FARP1: variants seen among roughly 807,000 people sequenced by gnomAD.
FARP1 encodes the protein FERM, ARHGEF and pleckstrin domain-containing protein 1.
A neutral mutation model predicts 128.8 loss-of-function variants in FARP1; 52 were observed. The ratio of observed to expected loss-of-function variants is 0.40; its 90% confidence interval spans 0.32 to 0.51. The LOEUF (loss-of-function observed/expected upper bound fraction) is 0.51. Ranked by LOEUF, FARP1 falls within the 20% of genes least tolerant of loss-of-function variation. The probability of loss-of-function intolerance (pLI) is 0.45; values close to 1 mark genes in which losing one functional copy is unlikely to be tolerated. For missense variants in FARP1, 1,333 were observed against 1,367.9 expected, an observed-to-expected ratio of 0.97 and a Z score of 0.40; for synonymous variants, 580 against 551.8, an observed-to-expected ratio of 1.05 and a Z score of -0.72.
chr13:98,185,290 C>T (rs373640643), intron 1 of FARP1, among the ~76,000 whole-genome samples: 2 of 152,096 alleles, frequency 1.3e-5, no homozygotes, highest in African/African-American at 4.8e-5. Flanking sequence ...GATACAAAAG[C>T]AGTATACCGC....
intron 1 of FARP1, among the ~76,000 whole-genome samples, chr13:98,144,349 C>T (rs1875347644): frequency 6.6e-6 from 1 of 152,116 alleles, no homozygotes; most frequent in Non-Finnish European, 1.5e-5. Context: ...AGCTGAGGCT[C>T]ACAAAGAAGC....
intron 17 of FARP1, among the ~76,000 whole-genome samples, chr13:98,428,326 A>G (rs939472651): frequency 2.6e-5 from 4 of 152,146 alleles, no homozygotes; most frequent in African/African-American, 9.7e-5. Flanking sequence ...CTGCTTGGCA[A>G]GTGGGGACCT....
chr13:98,271,575 C>T (rs991978549), intron 2 of FARP1, among the ~76,000 whole-genome samples: 20 of 152,058 alleles, frequency 1.3e-4, no homozygotes, highest in African/African-American at 2.7e-4. Flanking sequence ...CCCCACCCCT[C>T]GACAGGCCCC....
intron 1 of FARP1, among the ~76,000 whole-genome samples, chr13:98,170,665 T>A (rs1453768594): frequency 6.6e-6 from 1 of 152,146 alleles, no homozygotes; most frequent in Non-Finnish European, 1.5e-5. Flanking sequence ...CTAATCATTG[T>A]ATTTTTAGTA....
At chr13:98,334,606 T>C (rs1433250824) in intron 2 of FARP1, among the ~76,000 whole-genome samples, 1 of 152,244 alleles carries the variant, frequency 6.6e-6, no homozygotes, top group African/African-American at 2.4e-5. Flanking sequence ...ACTCATGTGC[T>C]GTGGACTAAA....
intron 2 of FARP1, among the ~76,000 whole-genome samples, chr13:98,265,546 C>T (rs975468842): frequency 2.6e-5 from 4 of 151,518 alleles, no homozygotes; most frequent in African/African-American, 4.9e-5. Context: ...GTCTCGATCT[C>T]CTGACCTCGT....
chr13:98,327,386 T>G (rs1272805410), intron 2 of FARP1, among the ~76,000 whole-genome samples: 1 of 152,220 alleles, frequency 6.6e-6, no homozygotes, highest in Non-Finnish European at 1.5e-5. Context: ...ACTTTTGCAG[T>G]GATGATACCT....
chr13:98,175,448 C>T (rs1435468891), intron 1 of FARP1, among the ~76,000 whole-genome samples: 1 of 152,046 alleles, frequency 6.6e-6, no homozygotes, highest in African/African-American at 2.4e-5. Flanking sequence ...AACTCTTGAA[C>T]CCCATCCTCT....
intron 24 of FARP1, among the ~76,000 whole-genome samples, chr13:98,443,368 C>A (rs1472350716): frequency 6.6e-6 from 1 of 152,198 alleles, no homozygotes; most frequent in African/African-American, 2.4e-5. Context: ...TGCCAGAAAG[C>A]CCCCTCCCAA....
chr13:98,197,789 C>T (rs1371629143), intron 1 of FARP1, among the ~76,000 whole-genome samples: 1 of 151,900 alleles, frequency 6.6e-6, no homozygotes, highest in Non-Finnish European at 1.5e-5. Context: ...CACCCGCCAC[C>T]ACGCCCGGCT....
chr13:98,425,938 C>T (rs950545786), intron 17 of FARP1, among the ~76,000 whole-genome samples: 1 of 152,176 alleles, frequency 6.6e-6, no homozygotes, highest in Non-Finnish European at 1.5e-5. Context: ...TTAAAGCAAT[C>T]TTCCTGAATC....
chr13:98,158,035 C>A (rs1295708628), intron 1 of FARP1, among the ~76,000 whole-genome samples: 1 of 152,150 alleles, frequency 6.6e-6, no homozygotes, highest in Admixed American at 6.6e-5. Flanking sequence ...AAAAGATGAG[C>A]ATGTTTGCTT....
chr13:98,381,980 T>A (rs997499160), intron 6 of FARP1, among the ~76,000 whole-genome samples: 2 of 151,854 alleles, frequency 1.3e-5, no homozygotes, highest in Admixed American at 1.3e-4. Context: ...TAGTGAGACC[T>A]CGTCTGTACA....
intron 1 of FARP1, among the ~76,000 whole-genome samples, chr13:98,210,314 T>G (rs1417454639): frequency 6.6e-6 from 1 of 152,072 alleles, no homozygotes; most frequent in Admixed American, 6.6e-5. Context: ...ATGGTTCATT[T>G]TGCTTTTTTG....
At chr13:98,243,743 C>T (rs1216599562) in intron 2 of FARP1, among the ~76,000 whole-genome samples, 1 of 149,432 alleles carries the variant, frequency 6.7e-6, no homozygotes, top group East Asian at 2.0e-4. Context: ...ATTGCCCTTT[C>T]AGGTAATTAA....
At chr13:98,417,245 C>G (rs1251824067) in intron 16 of FARP1, among the ~76,000 whole-genome samples, 1 of 151,766 alleles carries the variant, frequency 6.6e-6, no homozygotes, top group Admixed American at 6.6e-5. Context: ...AAATGTGGGT[C>G]CCAGGCTTTG....
intron 3 of FARP1, among the ~76,000 whole-genome samples, chr13:98,359,350 C>G (rs773318001): frequency 3.3e-5 from 5 of 152,298 alleles, no homozygotes; most frequent in Admixed American, 6.5e-5. Flanking sequence ...GCTCTCATAT[C>G]AAATAACTGA....
Position 98,365,084 on chromosome 13 carries a change from T to C in FARP1, c.277-311T>C, listed in dbSNP as rs144217671. Among the ~76,000 whole-genome samples the C allele has an allele frequency of 9.2e-3, 1,409 of 152,354 alleles. 9 individuals carry two copies. The highest frequency in any genetic ancestry group is 0.013 in the Non-Finnish European group (893 of 68,032). On this transcript the variant is annotated intron_variant, in intron 3 of 26. Transcript: ENST00000319562. ...GGCTGATAGTCACAAATGAAATCAT[T>C]CATTAATATTTTCCAAATAGGTAAA... is the stretch of plus-strand genomic sequence containing the variant.
intron 2 of FARP1, among the ~76,000 whole-genome samples, chr13:98,312,808 A>T (rs1886537270): frequency 6.6e-6 from 1 of 152,128 alleles, no homozygotes; most frequent in African/African-American, 2.4e-5. Flanking sequence ...GGCCGTGTGC[A>T]CAGGGCGCTC....
Sources: gnomAD v4.1 joint callset for allele counts (sites outside exome capture counted in the v4.1 genomes callset) on GRCh38, gnomAD v4.1.1 for gene constraint, MANE v1.5 for transcripts, NCBI Gene and HGNC (gene_info 2026-07-23, HGNC 2026-07-21) for gene names.